The following COG5 variants were observed in gnomAD, a reference collection of about 807,000 sequenced individuals.
COG5 encodes the protein conserved oligomeric Golgi complex subunit 5.
In COG5, 86 loss-of-function variants were observed where a neutral mutation model predicts 110.4. The observed-to-expected ratio is 0.78, with a 90% CI of 0.65 to 0.93. The LOEUF (loss-of-function observed/expected upper bound fraction) is 0.93, where lower values mean the gene tolerates loss of function less well. Ranked by LOEUF, COG5 falls within the 40% of genes least tolerant of loss-of-function variation. The pLI, the probability that COG5 is intolerant of heterozygous loss-of-function variation, is 0.00. For synonymous variants in COG5, 360 were observed against 334.6 expected, an observed-to-expected ratio of 1.08 and a Z score of -0.83; for missense variants, 1,077 against 987.0, an observed-to-expected ratio of 1.09 and a Z score of -1.22.
chr7:107,451,269 G>T (rs1795319487), intron 6 of COG5, among the ~76,000 whole-genome samples: 1 of 152,182 alleles, frequency 6.6e-6, no homozygotes, highest in African/African-American at 2.4e-5. Flanking sequence ...TGGCAGTGGT[G>T]AAGGGTTTCA....
intron 10 of COG5, among the ~76,000 whole-genome samples, chr7:107,331,840 CTTTT>C (rs750263117): frequency 1.7e-4 from 23 of 131,806 alleles, no homozygotes; most frequent in African/African-American, 6.0e-4. Context: ...CTGCTTGCCT[CTTTT>C]TTTTTTTTTT....
intron 6 of COG5, among the ~76,000 whole-genome samples, chr7:107,497,527 A>G (rs1443460648): frequency 6.6e-6 from 1 of 152,208 alleles, no homozygotes; most frequent in Admixed American, 6.5e-5. Flanking sequence ...AGATATTAAG[A>G]AAACAATCTC....
chr7:107,290,037 A>T (rs953912072), intron 12 of COG5, among the ~76,000 whole-genome samples: 6 of 152,144 alleles, frequency 3.9e-5, no homozygotes, highest in Admixed American at 1.3e-4. Flanking sequence ...ATCTTCACAT[A>T]TAGGTACAAT....
At position 107,267,907 on chromosome 7, in the gene COG5, T is replaced by C. The variant is rs549494740; in HGVS notation, c.1576-9524A>G. The stretch of plus-strand genomic sequence containing the variant: ...CCCCACCTCTATTTTTAAAAAATAA[T>C]TTTAAAAATGTAATTAAATCTATAA... On this transcript the variant is annotated intron_variant, in intron 14 of 21. Coordinates refer to ENST00000297135, the MANE Select transcript of COG5 (RefSeq NM_006348.5). Among the ~76,000 whole-genome samples, 34 of 152,322 alleles carry C rather than the reference T, an allele frequency of 2.2e-4. 1 individual carries two copies. Among genetic ancestry groups the C allele is most frequent in the African/African-American group, 7.0e-4 (29 of 41,578 alleles).
At chr7:107,366,134 A>T (rs796173164) in intron 8 of COG5, among the ~76,000 whole-genome samples, 16 of 152,264 alleles carry the variant, frequency 1.1e-4, no homozygotes, top group African/African-American at 3.8e-4. Flanking sequence ...AAATTACTGG[A>T]ATACTCACTG....
intron 5 of COG5, among the ~76,000 whole-genome samples, chr7:107,546,202 T>C (rs538549583): frequency 1.3e-5 from 2 of 152,280 alleles, no homozygotes; most frequent in South Asian, 4.1e-4. Context: ...CCGAAAGTTA[T>C]GGGATGCAGC....
chr7:107,407,030 G>C (rs1791901206), intron 7 of COG5, among the ~76,000 whole-genome samples: 1 of 152,108 alleles, frequency 6.6e-6, no homozygotes, highest in African/African-American at 2.4e-5. Flanking sequence ...AATTCCTTAA[G>C]TATTTCTTTG....
chr7:107,337,391 C>T (rs554225315), intron 10 of COG5, among the ~76,000 whole-genome samples: 45 of 152,196 alleles, frequency 3.0e-4, no homozygotes, highest in Non-Finnish European at 4.4e-4. Context: ...TCAACCTAAG[C>T]GTCCATTGAA....
chr7:107,463,477 C>T (rs912344690), intron 6 of COG5, among the ~76,000 whole-genome samples: 2 of 152,190 alleles, frequency 1.3e-5, no homozygotes, highest in South Asian at 2.1e-4. Context: ...TTACATGCAG[C>T]AGCCCATGAA....
intron 10 of COG5, among the ~76,000 whole-genome samples, chr7:107,359,151 G>A (rs1812883109): frequency 6.6e-6 from 1 of 152,202 alleles, no homozygotes; most frequent in South Asian, 2.1e-4. Context: ...AGGCATCCCT[G>A]TGTTCTTGGT....
intron 6 of COG5, among the ~76,000 whole-genome samples, chr7:107,499,217 G>A (rs1057009288): frequency 1.3e-5 from 2 of 152,048 alleles, no homozygotes; most frequent in Non-Finnish European, 2.9e-5. Context: ...AAGTTCTAGA[G>A]ATCTGCTGTT....
At chr7:107,459,238 G>A (rs911695800) in intron 6 of COG5, among the ~76,000 whole-genome samples, 2 of 152,024 alleles carry the variant, frequency 1.3e-5, no homozygotes, top group Non-Finnish European at 2.9e-5. Flanking sequence ...TAAGTTAAAA[G>A]TGAAGGTTAA....
At chr7:107,330,702 G>C (rs376735208) in intron 10 of COG5, among the ~76,000 whole-genome samples, 1 of 152,060 alleles carries the variant, frequency 6.6e-6, no homozygotes, top group Non-Finnish European at 1.5e-5. Flanking sequence ...CACTTGTGCT[G>C]TGACTCTAGA....
intron 14 of COG5, among the ~76,000 whole-genome samples, chr7:107,270,814 T>TTTCTC (rs1804198311): frequency 6.6e-6 from 1 of 151,688 alleles, no homozygotes; most frequent in Non-Finnish European, 1.5e-5. Flanking sequence ...TGTGGGACTG[T>TTTCTC]TTCTCTTTCA....
intron 19 of COG5, among the ~76,000 whole-genome samples, chr7:107,230,003 A>T (rs1262763538): frequency 6.6e-6 from 1 of 151,596 alleles, no homozygotes; most frequent in African/African-American, 2.4e-5. Context: ...GGTGTGCACC[A>T]CCATGCCCAG....
chr7:107,539,926 T>G (rs1267748293), intron 5 of COG5, among the ~76,000 whole-genome samples: 1 of 152,144 alleles, frequency 6.6e-6, no homozygotes, highest in African/African-American at 2.4e-5. Context: ...AAAATGAGCT[T>G]AACAATTGTC....
chr7:107,429,641 C>A (rs1016243272), intron 6 of COG5, among the ~76,000 whole-genome samples: 1 of 152,088 alleles, frequency 6.6e-6, no homozygotes, highest in Non-Finnish European at 1.5e-5. Flanking sequence ...CAAATCTTAT[C>A]TTGAACTGTA....
chr7:107,253,304 G>A (rs1303785970), intron 16 of COG5: 1 of 152,060 alleles, frequency 6.6e-6, no homozygotes, highest in Non-Finnish European at 1.5e-5. Context: ...TGAGAAAGGA[G>A]ATTAGATTAT....
At chr7:107,229,378 G>A (rs1800601549) in intron 19 of COG5, among the ~76,000 whole-genome samples, 1 of 152,106 alleles carries the variant, frequency 6.6e-6, no homozygotes, top group Admixed American at 6.6e-5. Flanking sequence ...GAACCCGGGA[G>A]GTGGAAGTTG....
Sources: allele counts gnomAD v4.1 joint callset (sites outside exome capture counted in the v4.1 genomes callset), GRCh38; gene constraint gnomAD v4.1.1; transcripts MANE v1.5; gene names NCBI Gene and HGNC (gene_info 2026-07-23, HGNC 2026-07-21).